Variants in GRIK1 observed in about 807,000 individuals in gnomAD.
GRIK1 encodes the protein glutamate ionotropic receptor kainate type subunit 1.
In GRIK1, 69 loss-of-function variants were observed where a neutral mutation model predicts 105.7. The observed-to-expected ratio is 0.65, with a 90% CI of 0.54 to 0.80. The LOEUF is 0.80. Ranked by LOEUF, GRIK1 falls within the 30% of genes least tolerant of loss-of-function variation. The probability of loss-of-function intolerance (pLI) is 0.00; values close to 1 mark genes in which losing one functional copy is unlikely to be tolerated. For missense variants in GRIK1, 1,109 were observed against 1,167.3 expected (o/e 0.95, Z 0.73); for synonymous variants, 438 against 431.3 (o/e 1.02, Z -0.19).
chr21:29,917,414 G>A (rs746866774), intron 1 of GRIK1, among the ~76,000 whole-genome samples: 2 of 151,948 alleles, frequency 1.3e-5, no homozygotes, highest in Non-Finnish European at 2.9e-5. Context: ...GCCAATCTCT[G>A]CATCACTGAC....
intron 1 of GRIK1, chr21:29,861,705 T>G (rs2068646663): frequency 2.2e-6 from 1 of 450,088 alleles, no homozygotes; most frequent in Non-Finnish European, 4.4e-6. Context: ...ATTTTCTGCA[T>G]AAATGTATTT....
At chr21:29,614,902 TC>T (rs1568888400) in intron 7 of GRIK1, among the ~76,000 whole-genome samples, 1 of 151,428 alleles carries the variant, frequency 6.6e-6, no homozygotes, top group Non-Finnish European at 1.5e-5. Flanking sequence ...AAAAATTCTC[TC>T]CCCCAGTAAA....
intron 1 of GRIK1, among the ~76,000 whole-genome samples, chr21:29,756,890 G>T (rs567340588): frequency 2.6e-5 from 4 of 152,270 alleles, no homozygotes; most frequent in Admixed American, 2.6e-4. Context: ...GAGGTGGGCG[G>T]ATCGTCTGAG....
chr21:29,664,709 G>A (rs536567045), intron 4 of GRIK1, among the ~76,000 whole-genome samples: 1 of 152,170 alleles, frequency 6.6e-6, no homozygotes, highest in Non-Finnish European at 1.5e-5. Flanking sequence ...TTGGCTAACA[G>A]TCATGGGAAA....
rs201227174 is a variant in GRIK1 at position 29,587,328 on chromosome 21, C to T, written c.1793+38G>A. The T allele has an allele frequency of 5.4e-4, 711 of 1,309,698 alleles. 3 individuals are homozygous for T. In the African/African-American group the frequency reaches 9.4e-3, roughly 17 times the overall value. 81.1% of individuals were successfully genotyped at this position (1,309,698 alleles called of 1,614,324 possible). Reference sequence around the variant, plus strand: ...GGGACATACAGAAATCTGAGACTGACCTACACCTCTTGTGAATTCAGTGAT... The same window carrying T: ...GGGACATACAGAAATCTGAGACTGATCTACACCTCTTGTGAATTCAGTGAT... On this transcript the variant is annotated intron_variant, in intron 12 of 17. Coordinates refer to ENST00000327783, the MANE Select transcript of GRIK1 (RefSeq NM_001330994.2).
intron 1 of GRIK1, among the ~76,000 whole-genome samples, chr21:29,936,384 A>T (rs2071756565): frequency 6.6e-6 from 1 of 152,212 alleles, no homozygotes; most frequent in Non-Finnish European, 1.5e-5. Flanking sequence ...GTTTACCTAG[A>T]TCCTGTTCTA....
At chr21:29,788,630 CTAT>C (rs2066328249) in intron 1 of GRIK1, among the ~76,000 whole-genome samples, 1 of 152,168 alleles carries the variant, frequency 6.6e-6, no homozygotes, top group Non-Finnish European at 1.5e-5. Flanking sequence ...CACTTTATTT[CTAT>C]TATTATTACG....
chr21:29,588,040 T>C (rs1382105595), intron 11 of GRIK1, among the ~76,000 whole-genome samples: 1 of 133,636 alleles, frequency 7.5e-6, no homozygotes, highest in Non-Finnish European at 1.5e-5. Context: ...AGTGGTGCAA[T>C]CTCGGCTCAC....
At chr21:29,621,910 T>A (rs1406105142) in intron 7 of GRIK1, among the ~76,000 whole-genome samples, 6 of 152,118 alleles carry the variant, frequency 3.9e-5, no homozygotes, top group Admixed American at 1.3e-4. Flanking sequence ...TATTTATAAA[T>A]AAAATCATAT....
Position 29,703,478 on chromosome 21 carries a change from T to C in GRIK1, c.119-9415A>G, listed in dbSNP as rs114989933. ...TGCCACATCCATAATTCTAGTTGAT[T>C]ACATCATAAGCAATTTACTATAGGC... On this transcript the variant is annotated intron_variant, in intron 1 of 17. Coordinates refer to ENST00000327783, the MANE Select transcript of GRIK1 (RefSeq NM_001330994.2). 6.1e-3 allele frequency among the ~76,000 whole-genome samples: 929 copies of C among 152,328 alleles called. 12 individuals are homozygous for C. Among genetic ancestry groups the C allele is most frequent in the African/African-American group, 0.021 (891 of 41,588 alleles).
intron 1 of GRIK1, among the ~76,000 whole-genome samples, chr21:29,908,036 T>G (rs975756706): frequency 6.6e-6 from 1 of 152,144 alleles, no homozygotes; most frequent in Non-Finnish European, 1.5e-5. Context: ...GTGGTCCCAT[T>G]GGTCTTGTTA....
chr21:29,734,922 G>A (rs2064749799), intron 1 of GRIK1, among the ~76,000 whole-genome samples: 1 of 152,150 alleles, frequency 6.6e-6, no homozygotes, highest in Non-Finnish European at 1.5e-5. Flanking sequence ...GGCCTGGCAT[G>A]CAGGGACCTC....
chr21:29,833,238 C>T (rs2067691758), intron 1 of GRIK1, among the ~76,000 whole-genome samples: 1 of 152,188 alleles, frequency 6.6e-6, no homozygotes. Context: ...CAACAAGTCT[C>T]TAGGAAGTTC....
intron 1 of GRIK1, among the ~76,000 whole-genome samples, chr21:29,865,208 C>G (rs2068763640): frequency 6.6e-6 from 1 of 152,082 alleles, no homozygotes; most frequent in Admixed American, 6.6e-5. Flanking sequence ...TATAGTAGCA[C>G]CATGATTCAA....
chr21:29,585,681 T>C (rs1456552569), intron 12 of GRIK1, among the ~76,000 whole-genome samples: 1 of 152,072 alleles, frequency 6.6e-6, no homozygotes, highest in African/African-American at 2.4e-5. Context: ...CGGGCAGAGG[T>C]ATGCAACAAG....
At chr21:29,752,561 C>T (rs1199245991) in intron 1 of GRIK1, among the ~76,000 whole-genome samples, 1 of 152,088 alleles carries the variant, frequency 6.6e-6, no homozygotes, top group Non-Finnish European at 1.5e-5. Flanking sequence ...CACAGTGGCT[C>T]ACACCTGTAA....
intron 1 of GRIK1, among the ~76,000 whole-genome samples, chr21:29,751,471 T>C (rs1247778145): frequency 6.6e-6 from 1 of 152,164 alleles, no homozygotes; most frequent in Non-Finnish European, 1.5e-5. Context: ...ACTTTTCCCC[T>C]TCAAGGTTGC....
chr21:29,786,442 G>T (rs528545860), intron 1 of GRIK1, among the ~76,000 whole-genome samples: 79 of 152,168 alleles, frequency 5.2e-4, no homozygotes, highest in South Asian at 5.0e-3. Context: ...TTAGGATATG[G>T]ACCTATCTTT....
chr21:29,692,792 C>T (rs2063609556), intron 2 of GRIK1, among the ~76,000 whole-genome samples: 1 of 152,198 alleles, frequency 6.6e-6, no homozygotes, highest in Non-Finnish European at 1.5e-5. Flanking sequence ...ACAGAATGGT[C>T]TCGATCTCCT....
Sources: allele counts gnomAD v4.1 joint callset (sites outside exome capture counted in the v4.1 genomes callset), GRCh38; gene constraint gnomAD v4.1.1; transcripts MANE v1.5; gene names NCBI Gene and HGNC (gene_info 2026-07-23, HGNC 2026-07-21).